NDUFA10: variants seen among roughly 807,000 people sequenced by gnomAD.
The protein encoded by NDUFA10 is NADH:ubiquinone oxidoreductase subunit A10.
In NDUFA10, 40 loss-of-function variants were observed where a neutral mutation model predicts 47.8. The ratio of observed to expected loss-of-function variants is 0.84; its 90% CI spans 0.65 to 1.09. The LOEUF (loss-of-function observed/expected upper bound fraction) is 1.09. Among genes scored for constraint, NDUFA10 ranks in the 50% least tolerant of loss-of-function variants. The pLI, the probability that NDUFA10 is intolerant of heterozygous loss-of-function variation, is 0.00. For synonymous variants in NDUFA10, 183 were observed against 172.2 expected (o/e 1.06, Z -0.49); for missense variants, 413 against 451.1 (o/e 0.92, Z 0.76).
At chr2:239,897,200 C>A (rs1390394713) in intron 4 of NDUFA10, among the ~76,000 whole-genome samples, 1 of 152,164 alleles carries the variant, frequency 6.6e-6, no homozygotes, top group Non-Finnish European at 1.5e-5. Flanking sequence ...GAAAATTTCC[C>A]AGCATGTAGG....
At chr2:239,902,057 T>G (rs540363717) in intron 4 of NDUFA10, among the ~76,000 whole-genome samples, 1 of 152,330 alleles carries the variant, frequency 6.6e-6, no homozygotes, top group South Asian at 2.1e-4. Flanking sequence ...GTTGTTGAAA[T>G]GACAACAAAG....
At chr2:239,967,868 G>A (rs756338339) in intron 9 of NDUFA10, among the ~76,000 whole-genome samples, 10 of 152,108 alleles carry the variant, frequency 6.6e-5, no homozygotes, top group South Asian at 2.1e-4. Context: ...GGCCAAGGCC[G>A]CACAATGAGG....
chr2:239,947,942 TG>T lies in NDUFA10; in HGVS notation c.294+42131del, dbSNP rs374268863. ...GTGGGCCCTTCTTGAGCGTGGGCACTGGGTGAACATGGAGGTCACATGTGCA... is the reference window on the plus strand; with the variant it reads ...GTGGGCCCTTCTTGAGCGTGGGCACTGGTGAACATGGAGGTCACATGTGCA... On this transcript the variant is annotated intron_variant, in intron 4 of 5. Coordinates refer to the NDUFA10 transcript ENST00000419408. Among the ~76,000 whole-genome samples, 699 of 152,300 alleles carry T rather than the reference TG, an allele frequency of 4.6e-3. 4 individuals carry two copies. Among genetic ancestry groups the T allele is most frequent in the African/African-American group, 0.016 (669 of 41,564 alleles).
intron 4 of NDUFA10, among the ~76,000 whole-genome samples, chr2:239,948,504 C>T (rs1168010446): frequency 6.6e-6 from 1 of 152,268 alleles, no homozygotes; most frequent in Non-Finnish European, 1.5e-5. Context: ...GTCCATTTTG[C>T]AGCTGTAAGT....
chr2:239,981,154 T>C (rs1574843537), intron 9 of NDUFA10, among the ~76,000 whole-genome samples: 1 of 152,196 alleles, frequency 6.6e-6, no homozygotes, highest in East Asian at 1.9e-4. Context: ...CCTTGGGACA[T>C]ACTTATACTA....
At chr2:239,901,058 G>C (rs2106464687) in intron 4 of NDUFA10, among the ~76,000 whole-genome samples, 1 of 152,348 alleles carries the variant, frequency 6.6e-6, no homozygotes, top group Admixed American at 6.5e-5. Context: ...TTCATAGCTA[G>C]AGAGAAGTCA....
intron 8 of NDUFA10, among the ~76,000 whole-genome samples, chr2:240,002,494 ATATGGAATATAATATATGAAAT>A (rs2106465805): frequency 6.6e-6 from 1 of 152,294 alleles, no homozygotes; most frequent in South Asian, 2.1e-4. Context: ...AGTAGTCAGT[ATATGGAATATAATATATGAAAT>A]TTATATTTGT....
chr2:239,942,233 C>T (rs950947757), intron 4 of NDUFA10, among the ~76,000 whole-genome samples: 2 of 152,270 alleles, frequency 1.3e-5, no homozygotes, highest in Non-Finnish European at 2.9e-5. Context: ...TCCTCTAGGG[C>T]AGCGGTGTTC....
chr2:239,966,696 G>GCA (rs145199748), intron 9 of NDUFA10, among the ~76,000 whole-genome samples: 53 of 152,024 alleles, frequency 3.5e-4, no homozygotes, highest in Non-Finnish European at 6.9e-4. Flanking sequence ...AGGGTGAATG[G>GCA]CACACACACA....
chr2:239,944,363 G>C (rs1694410325), intron 4 of NDUFA10, among the ~76,000 whole-genome samples: 1 of 152,236 alleles, frequency 6.6e-6, no homozygotes, highest in Admixed American at 6.5e-5. Flanking sequence ...TGTGGCCCCA[G>C]GGCCAGCGCC....
chr2:239,986,351 A>G (rs1024285743), intron 9 of NDUFA10, among the ~76,000 whole-genome samples: 2 of 152,214 alleles, frequency 1.3e-5, no homozygotes, highest in Admixed American at 1.3e-4. Flanking sequence ...TAGGGACGCC[A>G]TGGTAGCAGA....
At position 240,011,986 on chromosome 2, in the gene NDUFA10, T is replaced by A. The variant is rs917375072; in HGVS notation, c.670-290A>T. ...AAAGATGCCTGTTACGAAGCAGCAC[T>A]GCCTGTCTTTCCTGTCTGCCTCGTG... On this transcript the variant is annotated intron_variant, in intron 5 of 9. Coordinates refer to ENST00000252711, the MANE Select transcript of NDUFA10 (RefSeq NM_004544.4). 8 of 407,836 alleles carry A rather than the reference T, an allele frequency of 2.0e-5. No individual in the cohort carries two copies. In the East Asian group the frequency reaches 4.4e-4, roughly 22 times the overall value. The allele number at this position is 407,836 out of a possible 1,614,324, so 25.3% of individuals were successfully genotyped here. A position where few individuals can be genotyped will look rare whatever the true frequency, so the allele number is the denominator to read the frequency against.
In NDUFA10 at chr2:239,969,480, G is replaced by A. The variant is rs79344779; in HGVS notation, c.1000-8294C>T. The A allele has an allele frequency of 6.9e-3, 2,429 of 352,350 alleles. 67 individuals carry two copies. The highest frequency in any genetic ancestry group is 0.041 in the East Asian group (557 of 13,514). 21.8% of individuals were successfully genotyped at this position (352,350 alleles called of 1,614,324 possible). ...GCCTGTTCATGCCACGGCCACGCAC[G>A]TTACAGAATGTGCCTGGTCAGTGAT... is the stretch of plus-strand genomic sequence containing the variant. On this transcript the variant is annotated intron_variant, in intron 9 of 9. Transcript: ENST00000252711.
At chr2:239,966,550 G>A (rs758840736) in intron 9 of NDUFA10, among the ~76,000 whole-genome samples, 3 of 152,178 alleles carry the variant, frequency 2.0e-5, no homozygotes, top group Non-Finnish European at 4.4e-5. Context: ...AGGAAAGACT[G>A]GAGAAGAGAC....
At chr2:239,921,440 A>G (rs1347843137) in intron 4 of NDUFA10, among the ~76,000 whole-genome samples, 2 of 152,132 alleles carry the variant, frequency 1.3e-5, no homozygotes, top group Non-Finnish European at 2.9e-5. Flanking sequence ...GTCCCTGCCC[A>G]TGTTCCATTT....
At chr2:239,989,301 G>C (rs1696150716) in intron 9 of NDUFA10, among the ~76,000 whole-genome samples, 1 of 152,242 alleles carries the variant, frequency 6.6e-6, no homozygotes, top group Non-Finnish European at 1.5e-5. Context: ...GGGTGCTTCA[G>C]GCAATTTGCT....
chr2:239,904,686 C>G (rs1693615300), intron 4 of NDUFA10, among the ~76,000 whole-genome samples: 1 of 152,240 alleles, frequency 6.6e-6, no homozygotes, highest in Non-Finnish European at 1.5e-5. Context: ...GGCCCCACCC[C>G]AGCCTGGTGC....
chr2:239,991,220 T>G (rs978542687), intron 8 of NDUFA10, among the ~76,000 whole-genome samples: 1 of 152,114 alleles, frequency 6.6e-6, no homozygotes, highest in African/African-American at 2.4e-5. Context: ...GCCACAGAGC[T>G]GCGAACCTGC....
rs978141177 is a variant in NDUFA10, at chr2:239,987,101, G to T, written c.999+2973C>A. ...CCATCACCCTGGATTGGCTATTCTTGCTCAGAAGAACATGGCTAGGATAAA... is the reference window on the plus strand; with the variant it reads ...CCATCACCCTGGATTGGCTATTCTTTCTCAGAAGAACATGGCTAGGATAAA... On this transcript the variant is annotated intron_variant, in intron 9 of 9. Transcript: ENST00000252711. The surrounding 1 kb of genome is among the most constrained non-coding windows in gnomAD (Gnocchi z 4.8). 6.6e-6 allele frequency among the ~76,000 whole-genome samples: 1 copy of T among 152,152 alleles called. No homozygotes were observed. Among genetic ancestry groups the T allele is most frequent in the Non-Finnish European group, 1.5e-5 (1 of 68,026 alleles).
Sources: allele counts gnomAD v4.1 joint callset (sites outside exome capture counted in the v4.1 genomes callset), GRCh38; gene constraint gnomAD v4.1.1; non-coding constraint Gnocchi (gnomAD v3.1); transcripts MANE v1.5; gene names NCBI Gene and HGNC (gene_info 2026-07-23, HGNC 2026-07-21).